CDH13: variants seen among roughly 807,000 people sequenced by gnomAD.
CDH13 encodes cadherin-13.
CDH13 carries 24 observed loss-of-function variants against 63.8 expected under a neutral mutation model. The observed-to-expected ratio is 0.38, with a 90% confidence interval of 0.27 to 0.53. CDH13 has a LOEUF of 0.53. CDH13 is among the 20% of genes least tolerant of loss of function. The probability of loss-of-function intolerance (pLI) is 0.85; values close to 1 mark genes in which losing one functional copy is unlikely to be tolerated. For synonymous variants in CDH13, 503 were observed against 355.3 expected (o/e 1.42, Z -4.67); for missense variants, 1,049 against 903.1 (o/e 1.16, Z -2.07).
In CDH13 at chr16:82,690,637, T is replaced by C. The variant is rs1330766171; in HGVS notation, c.45+63500T>C. Among the ~76,000 whole-genome samples the C allele has an allele frequency of 2.6e-5, 4 of 152,200 alleles. No individual in the cohort carries two copies. The South Asian group carries it at 8.3e-4, about 32-fold the overall frequency. ...AATCTGATGCCCAAAGCCTTTCATA[T>C]AGGTGACCATTGTACCCACAGTAAT... On this transcript the variant is annotated intron_variant, in intron 1 of 13. Coordinates refer to ENST00000567109, the MANE Select transcript of CDH13 (RefSeq NM_001257.5).
chr16:82,763,235 C>T (rs2034921167), intron 1 of CDH13, among the ~76,000 whole-genome samples: 1 of 152,094 alleles, frequency 6.6e-6, no homozygotes. Context: ...CACAGGTTAC[C>T]CTACATAAAT....
At position 83,037,752 on chromosome 16, in the gene CDH13, G is replaced by A. The variant is rs374143421; in HGVS notation, c.366+5534G>A. 2.3e-3 allele frequency among the ~76,000 whole-genome samples: 344 copies of A among 152,258 alleles called. 1 individual carries two copies. Among genetic ancestry groups the A allele is most frequent in the Middle Eastern group, 0.017 (5 of 294 alleles). The stretch of plus-strand genomic sequence containing the variant: ...GTGGTGGGAGTTTTGGCTTATGTTG[G>A]ACATGAGTGGGTTCAAATTTCTGCT... On this transcript the variant is annotated intron_variant, in intron 3 of 13. Transcript: ENST00000567109.
intron 4 of CDH13, among the ~76,000 whole-genome samples, chr16:83,174,506 T>C (rs2038045932): frequency 6.6e-6 from 1 of 152,040 alleles, no homozygotes; most frequent in African/African-American, 2.4e-5. Flanking sequence ...AAGTTTACAC[T>C]TCATGACCAT....
intron 3 of CDH13, among the ~76,000 whole-genome samples, chr16:83,077,215 CAG>C (rs1318054312): frequency 4.5e-5 from 3 of 66,862 alleles, no homozygotes; most frequent in African/African-American, 1.4e-4. Context: ...TTTTTTGAGA[CAG>C]AGTCTCACTC....
At chr16:83,251,758 G>T (rs1256883464) in intron 5 of CDH13, among the ~76,000 whole-genome samples, 1 of 152,194 alleles carries the variant, frequency 6.6e-6, no homozygotes, top group Non-Finnish European at 1.5e-5. Context: ...ATCACAGTCT[G>T]ATGGCAGGCA....
chr16:83,601,421 T>C lies in CDH13; in HGVS notation c.961-1033T>C, dbSNP rs192719286. ...CAAATATTGAGATGAAAAACACTTA[T>C]GTGAAGAGAGAGAATAGTGCAATAT... is the stretch of plus-strand genomic sequence containing the variant. On this transcript the variant is annotated intron_variant, in intron 7 of 13. Coordinates refer to ENST00000567109, the MANE Select transcript of CDH13 (RefSeq NM_001257.5). Among the ~76,000 whole-genome samples the C allele has an allele frequency of 2.0e-3, 297 of 152,288 alleles. 1 individual carries two copies. Among genetic ancestry groups the C allele is most frequent in the Non-Finnish European group, 3.2e-3 (215 of 68,008 alleles).
At chr16:83,751,180 G>C (rs945037678) in intron 11 of CDH13, among the ~76,000 whole-genome samples, 4 of 152,138 alleles carry the variant, frequency 2.6e-5, no homozygotes, top group African/African-American at 9.7e-5. Flanking sequence ...GCCTGACTTA[G>C]AGCAGGCACT....
chr16:83,214,545 A>C (rs551002324), intron 4 of CDH13, among the ~76,000 whole-genome samples: 2 of 121,874 alleles, frequency 1.6e-5, no homozygotes, highest in East Asian at 2.7e-4. Context: ...GCACCACTGC[A>C]TTCCAGCCTG....
intron 1 of CDH13, among the ~76,000 whole-genome samples, chr16:82,658,658 G>A (rs963154560): frequency 2.0e-5 from 3 of 152,148 alleles, no homozygotes; most frequent in South Asian, 2.1e-4. Context: ...GGGTGGTTGC[G>A]TGGGTTAAAT....
At chr16:83,353,414 A>G (rs981912081) in intron 6 of CDH13, among the ~76,000 whole-genome samples, 1 of 152,042 alleles carries the variant, frequency 6.6e-6, no homozygotes. Context: ...CCTGATGGGC[A>G]CCATTGCACA....
intron 2 of CDH13, among the ~76,000 whole-genome samples, chr16:83,011,400 G>C (rs1262704899): frequency 2.0e-5 from 3 of 152,144 alleles, no homozygotes. Flanking sequence ...TCAATCCCCA[G>C]GGAATTAGTC....
At chr16:83,434,470 C>A (rs1330640558) in intron 6 of CDH13, among the ~76,000 whole-genome samples, 1 of 152,060 alleles carries the variant, frequency 6.6e-6, no homozygotes, top group Admixed American at 6.6e-5. Flanking sequence ...CCTCTCTTCA[C>A]CCCATCTCAT....
At chr16:83,166,032 T>G (rs554316524) in intron 4 of CDH13, among the ~76,000 whole-genome samples, 131 of 152,126 alleles carry the variant, frequency 8.6e-4, no homozygotes, top group Non-Finnish European at 1.3e-3. Context: ...AGATGTGCAT[T>G]GTTTGTGGAA....
At position 83,318,941 on chromosome 16, in the gene CDH13, CAAAA is replaced by C. The variant is rs946806033; in HGVS notation, c.637-25917_637-25914del. 3.3e-5 allele frequency among the ~76,000 whole-genome samples: 5 copies of C among 150,752 alleles called. No homozygotes were observed. The East Asian group carries it at 7.7e-4, about 23-fold the overall frequency. On this transcript the variant is annotated intron_variant, in intron 5 of 13. Coordinates refer to ENST00000567109, the MANE Select transcript of CDH13 (RefSeq NM_001257.5). The stretch of plus-strand genomic sequence containing the variant: ...CTGGAGAGCTCACAGGAGTAAAAAA[CAAAA>C]AAAGCAAAAATATAATAATAATAAT...
At chr16:83,784,102 T>G (rs1009484365) in intron 13 of CDH13, among the ~76,000 whole-genome samples, 34 of 152,346 alleles carry the variant, frequency 2.2e-4, no homozygotes, top group African/African-American at 7.7e-4. Context: ...AATGTTAACT[T>G]TAGCCGTTAT....
chr16:83,055,289 A>T (rs115206332), intron 3 of CDH13, among the ~76,000 whole-genome samples: 3,830 of 152,054 alleles, frequency 0.025, 155 homozygotes, highest in African/African-American at 0.085. Context: ...AATTTATAAC[A>T]TAGAAAGTAG....
chr16:83,423,650 C>G (rs1379959085), intron 6 of CDH13, among the ~76,000 whole-genome samples: 1 of 152,204 alleles, frequency 6.6e-6, no homozygotes, highest in Non-Finnish European at 1.5e-5. Flanking sequence ...CCAGAGGCAA[C>G]TGCAGCAATC....
chr16:82,818,551 A>T (rs927669622), intron 1 of CDH13, among the ~76,000 whole-genome samples: 1 of 152,190 alleles, frequency 6.6e-6, no homozygotes, highest in Non-Finnish European at 1.5e-5. Flanking sequence ...AAGGATGGGT[A>T]GGAGTTTTTT....
At chr16:83,313,172 G>T (rs2090036504) in intron 5 of CDH13, among the ~76,000 whole-genome samples, 1 of 152,202 alleles carries the variant, frequency 6.6e-6, no homozygotes, top group Non-Finnish European at 1.5e-5. Flanking sequence ...ATTTATTTAA[G>T]TAGAGCTGGG....
Sources: gnomAD v4.1 joint callset for allele counts (sites outside exome capture counted in the v4.1 genomes callset) on GRCh38, gnomAD v4.1.1 for gene constraint, MANE v1.5 for transcripts, NCBI Gene and HGNC (gene_info 2026-07-23, HGNC 2026-07-21) for gene names.